The following CX3CL1 variants were observed in gnomAD, a reference collection of about 807,000 sequenced individuals.
CX3CL1 encodes the protein fractalkine.
A neutral mutation model predicts 14.1 loss-of-function variants in CX3CL1; 1 was observed. The ratio of observed to expected loss-of-function variants is 0.07; its 90% CI spans 0.03 to 0.34. The LOEUF (loss-of-function observed/expected upper bound fraction) is 0.34. Ranked by LOEUF, CX3CL1 falls within the 10% of genes least tolerant of loss-of-function variation. CX3CL1 has a pLI of 0.99. For missense variants in CX3CL1, 505 were observed against 536.4 expected (o/e 0.94, Z 0.58); for synonymous variants, 255 against 229.6 (o/e 1.11, Z -1.00).
At chr16:57,380,627 A>G (rs1902306059) in intron 2 of CX3CL1, among the ~76,000 whole-genome samples, 2 of 147,026 alleles carry the variant, frequency 1.4e-5, no homozygotes, top group South Asian at 4.5e-4. Context: ...GAGCTGCAGA[A>G]ATCACTATCT....
At chr16:57,380,413 C>G (rs778562057) in intron 2 of CX3CL1, among the ~76,000 whole-genome samples, 20 of 152,112 alleles carry the variant, frequency 1.3e-4, no homozygotes, top group Non-Finnish European at 2.4e-4. Context: ...CAAAAACTAG[C>G]CTGGCATGGT....
chr16:57,375,710 A>G (rs920113161), intron 1 of CX3CL1, among the ~76,000 whole-genome samples: 1 of 152,164 alleles, frequency 6.6e-6, no homozygotes, highest in African/African-American at 2.4e-5. Flanking sequence ...TCATCCAGCA[A>G]CCCAGGACAT....
In CX3CL1 at chr16:57,382,647, C is replaced by T. The variant is rs755935146; in HGVS notation, c.809C>T (p.Ala270Val). The T allele has an allele frequency of 1.4e-5, 22 of 1,613,182 alleles. No homozygotes were observed. The highest frequency in any genetic ancestry group is 3.3e-5 in the South Asian group (3 of 90,964). ...LEREEMGPVP[A>V]HTDAFQDWGP... ...CGGGAGGAGATGGGTCCCGTGCCAG[C>T]GCACACGGATGCCTTCCAGGACTGG... Residue 270 changes from alanine (A) to valine (V), a missense_variant, in exon 3 of 3, where the codon GCG (alanine) becomes GTG (valine). By Grantham distance (64) the Ala-to-Val change is moderately conservative. Transcript: ENST00000006053. The surrounding 1 kb of genome is among the most constrained non-coding windows in gnomAD (Gnocchi z 6.9).
In CX3CL1 at chr16:57,382,435, T is replaced by C; in HGVS notation, c.597T>C (p.Ser199=). 6.2e-7 allele frequency: 1 copy of C among 1,612,852 alleles called. No homozygotes were observed. Among genetic ancestry groups the C allele is most frequent in the Non-Finnish European group, 8.5e-7 (1 of 1,179,942 alleles). Residue 199 remains serine (S), a synonymous_variant, in exon 3 of 3, where the codon AGT becomes AGC. Transcript: ENST00000006053. This position sits in a 1 kb window ranked among gnomAD's most constrained non-coding sequence, Gnocchi z 6.9. Reference sequence around the variant, plus strand: ...TCTCCACTGCCGCCACGTGGCAGAGTTCTGCTCCCCACCAACCTGGGCCCA... The same window carrying C: ...TCTCCACTGCCGCCACGTGGCAGAGCTCTGCTCCCCACCAACCTGGGCCCA... The part of the protein sequence containing the change: ...PPVSTAATWQ[S]SAPHQPGPSL...
chr16:57,382,585 T>A lies in CX3CL1; in HGVS notation c.747T>A (p.Gly249=). 6.2e-7 allele frequency: 1 copy of A among 1,613,714 alleles called. No individual in the cohort carries two copies. The highest frequency in any genetic ancestry group is 8.5e-7 in the Non-Finnish European group (1 of 1,179,868). The change falls in exon 3 of 3, where the codon GGT becomes GGA. Residue 249 remains glycine, a synonymous_variant. Transcript: ENST00000006053. This position sits in a 1 kb window ranked among gnomAD's most constrained non-coding sequence, Gnocchi z 6.9. ...NAPSEGQRVW[G]QGQSPRPENS... Reference sequence around the variant, plus strand: ...CGTCTGAAGGCCAGCGTGTGTGGGGTCAGGGACAGAGCCCCAGGCCAGAGA... The same window carrying A: ...CGTCTGAAGGCCAGCGTGTGTGGGGACAGGGACAGAGCCCCAGGCCAGAGA...
At position 57,382,955 on chromosome 16, in the gene CX3CL1, G is replaced by T; in HGVS notation, c.1117G>T (p.Ala373Ser). 6.6e-7 allele frequency: 1 copy of T among 1,514,870 alleles called. No homozygotes were observed. The allele number at this position is 1,514,870 out of a possible 1,614,324, so 93.8% of individuals were successfully genotyped here. A position where few individuals can be genotyped will look rare whatever the true frequency, so the allele number is the denominator to read the frequency against. ...CCTCCAGGGCTGCCCTCGAAAGATG[G>T]CAGGAGAGATGGCGGAGGGCCTTCG... is the stretch of plus-strand genomic sequence containing the variant. ...QSLQGCPRKM[A>S]GEMAEGLRYI... The change falls in exon 3 of 3, where the codon GCA becomes TCA. Residue 373 changes from alanine (A) to serine (S), a missense_variant. Coordinates refer to ENST00000006053, the MANE Select transcript of CX3CL1 (RefSeq NM_002996.6). The surrounding 1 kb of genome is among the most constrained non-coding windows in gnomAD (Gnocchi z 6.9).
intron 2 of CX3CL1, among the ~76,000 whole-genome samples, chr16:57,381,404 G>A (rs767041245): frequency 1.1e-4 from 16 of 152,070 alleles, no homozygotes; most frequent in Non-Finnish European, 2.1e-4. Context: ...CCTTCTGCCC[G>A]TGAACACACA....
chr16:57,382,080 G>A lies in CX3CL1; in HGVS notation c.242G>A (p.Trp81Ter). ...RLFCADPKEQ[W>*]VKDAMQHLDR... ...TTCTGTGCCGACCCGAAGGAGCAAT[G>A]GGTCAAGGACGCGATGCAGCATCTG... Residue 81 changes from tryptophan (W) to a stop codon, truncating the protein, a stop_gained, in exon 3 of 3, where the codon TGG (tryptophan) becomes TAG (stop). Transcript: ENST00000006053. LOFTEE classifies it low-confidence loss of function (END_TRUNC). The surrounding 1 kb of genome is among the most constrained non-coding windows in gnomAD (Gnocchi z 6.9). 6.2e-7 allele frequency: 1 copy of A among 1,611,320 alleles called. No homozygotes were observed. Among genetic ancestry groups the A allele is most frequent in the Non-Finnish European group, 8.5e-7 (1 of 1,177,940 alleles).
chr16:57,375,853 A>G (rs1236689589), intron 1 of CX3CL1, among the ~76,000 whole-genome samples: 1 of 152,060 alleles, frequency 6.6e-6, no homozygotes, highest in Admixed American at 6.6e-5. Context: ...GTAAACCCCA[A>G]TATGTTTGTG....
intron 1 of CX3CL1, among the ~76,000 whole-genome samples, chr16:57,373,216 C>T (rs1392494922): frequency 1.3e-5 from 2 of 152,182 alleles, no homozygotes; most frequent in Admixed American, 1.3e-4. Context: ...TGTGTCTACC[C>T]GTCATGCTGT....
At position 57,382,969 on chromosome 16, in the gene CX3CL1, G is replaced by A. The variant is rs748625785; in HGVS notation, c.1131G>A (p.Ala377=). The A allele has an allele frequency of 1.2e-5, 18 of 1,509,402 alleles. No homozygotes were observed. Among genetic ancestry groups the A allele is most frequent in the Non-Finnish European group, 1.4e-5 (16 of 1,127,400 alleles). 93.5% of individuals were successfully genotyped at this position (1,509,402 alleles called of 1,614,324 possible). The change falls in exon 3 of 3, where the codon GCG becomes GCA. Residue 377 remains alanine, a synonymous_variant. Coordinates refer to ENST00000006053, the MANE Select transcript of CX3CL1 (RefSeq NM_002996.6). This position sits in a 1 kb window ranked among gnomAD's most constrained non-coding sequence, Gnocchi z 6.9. ...GCPRKMAGEM[A]EGLRYIPRSC... ...CTCGAAAGATGGCAGGAGAGATGGCGGAGGGCCTTCGCTACATCCCCCGGA... is the reference window on the plus strand; with the variant it reads ...CTCGAAAGATGGCAGGAGAGATGGCAGAGGGCCTTCGCTACATCCCCCGGA...
rs568589760 is a variant in CX3CL1 at position 57,383,440 on chromosome 16, C to T, written c.*408C>T. 1.8e-5 allele frequency: 3 copies of T among 163,686 alleles called. No individual in the cohort carries two copies. Among genetic ancestry groups the T allele is most frequent in the African/African-American group, 7.1e-5 (3 of 42,006 alleles). 10.1% of individuals were successfully genotyped at this position (163,686 alleles called of 1,614,324 possible). On this transcript the variant is annotated 3_prime_UTR_variant, in exon 3 of 3. Coordinates refer to ENST00000006053, the MANE Select transcript of CX3CL1 (RefSeq NM_002996.6). The stretch of plus-strand genomic sequence containing the variant: ...AGGCCCTCTGCCCACTCCCTGCAAC[C>T]TGATTGTGTCTCTTGGTCCTGCTGC...
chr16:57,379,663 A>G lies in CX3CL1; in HGVS notation c.100A>G (p.Ile34Val). ...GCACCACGGTGTGACGAAATGCAAC[A>G]TCACGTGCAGCAAGATGACATCAAA... ...GQHHGVTKCN[I>V]TCSKMTSKIP... is the part of the protein sequence containing the mutation. Residue 34 changes from isoleucine (I) to valine (V), a missense_variant, in exon 2 of 3, where the codon ATC becomes GTC. Ile to Val is a conservative substitution (Grantham distance 29). Coordinates refer to ENST00000006053, the MANE Select transcript of CX3CL1 (RefSeq NM_002996.6). 6.2e-7 allele frequency: 1 copy of G among 1,614,232 alleles called. No individual in the cohort carries two copies. The highest frequency in any genetic ancestry group is 2.2e-5 in the East Asian group (1 of 44,886).
At chr16:57,380,049 C>T (rs1902298346) in intron 2 of CX3CL1, among the ~76,000 whole-genome samples, 1 of 152,152 alleles carries the variant, frequency 6.6e-6, no homozygotes. Flanking sequence ...GGCTGAAGCA[C>T]ATGTTACCCC....
At chr16:57,380,417 G>A (rs1006809708) in intron 2 of CX3CL1, among the ~76,000 whole-genome samples, 1 of 152,148 alleles carries the variant, frequency 6.6e-6, no homozygotes, top group Non-Finnish European at 1.5e-5. Flanking sequence ...AACTAGCCTG[G>A]CATGGTGGTG....
At position 57,383,687 on chromosome 16, in the gene CX3CL1, G is replaced by A. The variant is rs957891511; in HGVS notation, c.*655G>A. 2.0e-5 allele frequency: 3 copies of A among 152,800 alleles called. No homozygotes were observed. The highest frequency in any genetic ancestry group is 7.2e-5 in the African/African-American group (3 of 41,440). 9.5% of individuals were successfully genotyped at this position (152,800 alleles called of 1,614,324 possible). ...CTTTGGTCTACACTGTGCTGAGTCT[G>A]AAGGCTGGGTTCTGATCCTAGTTCC... is the stretch of plus-strand genomic sequence containing the variant. On this transcript the variant is annotated 3_prime_UTR_variant, in exon 3 of 3. Transcript: ENST00000006053.
intron 2 of CX3CL1, 60 bp downstream of exon 2, chr16:57,379,814 C>T: frequency 6.3e-7 from 1 of 1,585,976 alleles, no homozygotes; most frequent in Non-Finnish European, 8.6e-7. Flanking sequence ...ATTCCCAGAC[C>T]TCTGAGAATC....
Position 57,382,437 on chromosome 16 carries a change from C to A in CX3CL1, c.599C>A (p.Ser200Tyr). ...PVSTAATWQS[S>Y]APHQPGPSLW... ...TCCACTGCCGCCACGTGGCAGAGTT[C>A]TGCTCCCCACCAACCTGGGCCCAGC... The change falls in exon 3 of 3, where the codon TCT (serine) becomes TAT (tyrosine). Residue 200 changes from serine (S) to tyrosine (Y), a missense_variant. Transcript: ENST00000006053. The surrounding 1 kb of genome is among the most constrained non-coding windows in gnomAD (Gnocchi z 6.9). 2 of 1,612,982 alleles carry A rather than the reference C, an allele frequency of 1.2e-6. No individual in the cohort carries two copies. Among genetic ancestry groups the A allele is most frequent in the East Asian group, 4.5e-5 (2 of 44,868 alleles).
At position 57,382,179 on chromosome 16, in the gene CX3CL1, C is replaced by T; in HGVS notation, c.341C>T (p.Thr114Ile). The T allele has an allele frequency of 1.2e-6, 2 of 1,613,624 alleles. No individual in the cohort carries two copies. Among genetic ancestry groups the T allele is most frequent in the Middle Eastern group, 1.6e-4 (1 of 6,062 alleles). ...CAGATCGGCGAGGTGAAGCCCAGGA[C>T]CACCCCTGCCGCCGGGGGAATGGAC... ...EKQIGEVKPR[T>I]TPAAGGMDES... Residue 114 changes from threonine (T) to isoleucine (I), a missense_variant, in exon 3 of 3, where the codon ACC becomes ATC. Thr to Ile is a moderately conservative substitution (Grantham distance 89). Coordinates refer to ENST00000006053, the MANE Select transcript of CX3CL1 (RefSeq NM_002996.6). The surrounding 1 kb of genome is among the most constrained non-coding windows in gnomAD (Gnocchi z 6.9).
Sources: allele counts gnomAD v4.1 joint callset (sites outside exome capture counted in the v4.1 genomes callset), GRCh38; gene constraint gnomAD v4.1.1; non-coding constraint Gnocchi (gnomAD v3.1); transcripts MANE v1.5; gene names NCBI Gene and HGNC (gene_info 2026-07-23, HGNC 2026-07-21).